The following TTLL11 variants were observed in gnomAD, a reference collection of about 807,000 sequenced individuals.
TTLL11 encodes the protein tubulin polyglutamylase TTLL11.
In TTLL11, 42 loss-of-function variants were observed where a neutral mutation model predicts 51.7. The ratio of observed to expected loss-of-function variants is 0.81; its 90% CI spans 0.64 to 1.05. The LOEUF (loss-of-function observed/expected upper bound fraction) is 1.05, where lower values mean the gene tolerates loss of function less well. Among genes scored for constraint, TTLL11 ranks in the 50% least tolerant of loss-of-function variants. The pLI is 0.00. For missense variants in TTLL11, 799 were observed against 940.4 expected, an observed-to-expected ratio of 0.85 and a Z score of 1.97; for synonymous variants, 381 against 383.5, an observed-to-expected ratio of 0.99 and a Z score of 0.08.
At chr9:121,864,111 C>G (rs1156719957) in intron 7 of TTLL11, among the ~76,000 whole-genome samples, 2 of 152,178 alleles carry the variant, frequency 1.3e-5, no homozygotes, top group Non-Finnish European at 2.9e-5. Flanking sequence ...ATGAATGACT[C>G]CAACAGTCAA....
intron 6 of TTLL11, among the ~76,000 whole-genome samples, chr9:121,928,578 C>T (rs970661383): frequency 2.0e-5 from 3 of 151,862 alleles, no homozygotes; most frequent in Non-Finnish European, 4.4e-5. Flanking sequence ...GTAGCTAGCA[C>T]TACAGGTGCG....
chr9:121,982,717 C>CAAAAAAA (rs71371907), intron 4 of TTLL11, among the ~76,000 whole-genome samples: 30 of 97,280 alleles, frequency 3.1e-4, no homozygotes, highest in South Asian at 7.5e-4. Flanking sequence ...AACTCCAACT[C>CAAAAAAA]AAAAAAAAAA....
rs562526095 is a variant in TTLL11, at chr9:121,894,990, G to C, written c.1482-24242C>G. Among the ~76,000 whole-genome samples the C allele has an allele frequency of 3.1e-4, 35 of 113,550 alleles. No individual in the cohort carries two copies. The Admixed American group carries it at 3.4e-3, about 11-fold the overall frequency. 74.5% of individuals were successfully genotyped at this position (113,550 alleles called of 152,430 possible). A position where few individuals can be genotyped will look rare whatever the true frequency, so the allele number is the denominator to read the frequency against. ...AATTCATGGTTGAGAAGAAAAGTCA[G>C]CGGGGGTCAGGGGAGGTGGGACCAA... On this transcript the variant is annotated intron_variant, in intron 6 of 8. Coordinates refer to ENST00000321582, the MANE Select transcript of TTLL11 (RefSeq NM_001139442.2).
intron 6 of TTLL11, among the ~76,000 whole-genome samples, chr9:121,961,684 A>G (rs150656902): frequency 0.014 from 2,081 of 152,304 alleles, 47 homozygotes; most frequent in African/African-American, 0.048. Context: ...AGGGAGGTAA[A>G]CTCTGGTCCA....
intron 6 of TTLL11, among the ~76,000 whole-genome samples, chr9:121,954,131 C>T (rs1009831181): frequency 1.1e-4 from 17 of 152,196 alleles, no homozygotes; most frequent in African/African-American, 3.9e-4. Flanking sequence ...GGCTAGAACC[C>T]GGGTCTCCCA....
intron 6 of TTLL11, among the ~76,000 whole-genome samples, chr9:121,892,301 C>T (rs552741973): frequency 6.6e-6 from 1 of 151,820 alleles, no homozygotes; most frequent in South Asian, 2.1e-4. Flanking sequence ...AGTCCATTTG[C>T]ATGCTTCTGA....
At chr9:122,092,655 T>C in intron 1 of TTLL11, 32 bp downstream of exon 1, 1 of 1,535,798 alleles carries the variant, frequency 6.5e-7, no homozygotes, top group African/African-American at 1.4e-5. Flanking sequence ...CACCCCACTG[T>C]GCCCACGCGG....
intron 6 of TTLL11, among the ~76,000 whole-genome samples, chr9:121,876,461 G>A (rs1240511548): frequency 6.6e-6 from 1 of 152,192 alleles, no homozygotes; most frequent in Non-Finnish European, 1.5e-5. Flanking sequence ...CAGAAGCATG[G>A]GACCAAGTGA....
intron 6 of TTLL11, among the ~76,000 whole-genome samples, chr9:121,898,070 C>T (rs1839607998): frequency 6.6e-6 from 1 of 152,062 alleles, no homozygotes; most frequent in Non-Finnish European, 1.5e-5. Context: ...AGGCACCTGC[C>T]ACCACACCTG....
intron 7 of TTLL11, among the ~76,000 whole-genome samples, chr9:121,870,241 G>C (rs1351715364): frequency 6.6e-6 from 1 of 152,210 alleles, no homozygotes; most frequent in Non-Finnish European, 1.5e-5. Context: ...TCAGGACTCA[G>C]CTCAAGGTAG....
At chr9:122,074,887 TAA>T (rs78518604) in intron 1 of TTLL11, among the ~76,000 whole-genome samples, 21 of 142,984 alleles carry the variant, frequency 1.5e-4, no homozygotes, top group South Asian at 2.2e-4. Flanking sequence ...CCTGGTCTCT[TAA>T]AAAAAAAAAA....
intron 8 of TTLL11, among the ~76,000 whole-genome samples, chr9:121,826,537 GTATATATATATA>G (rs1157615086): frequency 2.1e-5 from 1 of 47,008 alleles, no homozygotes; most frequent in African/African-American, 1.2e-4. Context: ...ATGTGTGTGT[GTATATATATATA>G]TGTGTGTGTA....
rs113970883 is a variant in TTLL11, at chr9:121,956,547, G to A, written c.1481+17462C>T. The stretch of plus-strand genomic sequence containing the variant: ...AAGCTCTGTTTCAATGGCCTCCCTC[G>A]CCAGGGGCATCCTCCATCACTGTGC... On this transcript the variant is annotated intron_variant, in intron 6 of 8. Coordinates refer to ENST00000321582, the MANE Select transcript of TTLL11 (RefSeq NM_001139442.2). Among the ~76,000 whole-genome samples the A allele has an allele frequency of 5.9e-3, 902 of 152,248 alleles. 9 individuals carry two copies. Among genetic ancestry groups the A allele is most frequent in the African/African-American group, 0.021 (866 of 41,544 alleles).
chr9:122,030,818 G>A lies in TTLL11; in HGVS notation c.693+905C>T, dbSNP rs1378247577. On this transcript the variant is annotated intron_variant, in intron 3 of 8. Coordinates refer to ENST00000321582, the MANE Select transcript of TTLL11 (RefSeq NM_001139442.2). ...AAAGCCGGTGTGGTGGCACCCGCCT[G>A]TAGTCCCAGCTACTCAGAAGGCTGA... Among the ~76,000 whole-genome samples the A allele has an allele frequency of 5.3e-5, 8 of 150,512 alleles. No individual in the cohort carries two copies. The East Asian group carries it at 1.2e-3, about 22-fold the overall frequency.
At chr9:121,975,042 A>C in intron 4 of TTLL11, 63 bp from the exon 5 acceptor site, 1 of 1,232,170 alleles carries the variant, frequency 8.1e-7, no homozygotes, top group South Asian at 1.7e-5. Context: ...AGGGTCATTA[A>C]GTTGAAAATA....
intron 4 of TTLL11, among the ~76,000 whole-genome samples, chr9:121,983,147 G>A (rs1385980326): frequency 2.0e-5 from 3 of 152,204 alleles, no homozygotes; most frequent in African/African-American, 7.2e-5. Flanking sequence ...ATTTGCAAGA[G>A]TTGCTTATGG....
chr9:121,960,487 G>C (rs1842185977), intron 6 of TTLL11, among the ~76,000 whole-genome samples: 1 of 152,002 alleles, frequency 6.6e-6, no homozygotes, highest in African/African-American at 2.4e-5. Flanking sequence ...CTTGGCTTAG[G>C]TCTCCCTCAC....
intron 1 of TTLL11, among the ~76,000 whole-genome samples, chr9:122,063,096 A>G (rs965434052): frequency 7.9e-5 from 12 of 152,174 alleles, no homozygotes; most frequent in African/African-American, 2.9e-4. Context: ...TTATCTTACT[A>G]TATCATCTTA....
At chr9:121,861,735 AG>A (rs1222094858) in intron 7 of TTLL11, among the ~76,000 whole-genome samples, 3 of 152,186 alleles carry the variant, frequency 2.0e-5, no homozygotes, top group Non-Finnish European at 4.4e-5. Flanking sequence ...TCAACAGTAC[AG>A]GCTGAAGCCA....
Sources: allele counts gnomAD v4.1 joint callset (sites outside exome capture counted in the v4.1 genomes callset), GRCh38; gene constraint gnomAD v4.1.1; transcripts MANE v1.5; gene names NCBI Gene and HGNC (gene_info 2026-07-23, HGNC 2026-07-21).